Variants in PTPRB observed in about 807,000 individuals in gnomAD.
PTPRB encodes the protein receptor-type tyrosine-protein phosphatase beta.
Under a neutral mutation model 238.1 loss-of-function variants are expected in PTPRB, and 97 were observed. That is an observed-to-expected ratio of 0.41 (90% CI 0.35 to 0.48). The LOEUF (loss-of-function observed/expected upper bound fraction) is 0.48. Among genes scored for constraint, PTPRB ranks in the 20% least tolerant of loss-of-function variants. PTPRB has a pLI of 0.30. For missense variants in PTPRB, 2,292 were observed against 2,681.9 expected (o/e 0.85, Z 3.21); for synonymous variants, 970 against 995.4 (o/e 0.97, Z 0.48).
intron 16 of PTPRB, 46 bp downstream of exon 16, chr12:70,562,797 CG>C: frequency 6.3e-7 from 1 of 1,587,772 alleles, no homozygotes; most frequent in Non-Finnish European, 8.6e-7. Flanking sequence ...CAGTGAATAC[CG>C]GGACAATTCC....
rs1247062851 is a variant in PTPRB at position 70,541,127 on chromosome 12, G to A, written c.5495-170C>T. Reference sequence around the variant, plus strand: ...CCAAAGGCTCTGAGTATGCACCTAAGAAGATGATGAAAGGCTGGCTCCCAC... The same window carrying A: ...CCAAAGGCTCTGAGTATGCACCTAAAAAGATGATGAAAGGCTGGCTCCCAC... On this transcript the variant is annotated intron_variant, in intron 22 of 33. Coordinates refer to ENST00000334414, the MANE Select transcript of PTPRB (RefSeq NM_001109754.4). 6.7e-6 allele frequency: 4 copies of A among 594,176 alleles called. No homozygotes were observed. In the East Asian group the frequency reaches 1.2e-4, roughly 17 times the overall value. 36.8% of individuals were successfully genotyped at this position (594,176 alleles called of 1,614,324 possible).
intron 8 of PTPRB, among the ~76,000 whole-genome samples, chr12:70,587,692 C>G (rs1229353498): frequency 6.6e-6 from 1 of 152,098 alleles, no homozygotes; most frequent in East Asian, 1.9e-4. Flanking sequence ...GTGGGGGACA[C>G]TGATGTGTTC....
chr12:70,620,136 A>G (rs1884862797), intron 3 of PTPRB, among the ~76,000 whole-genome samples: 1 of 152,234 alleles, frequency 6.6e-6, no homozygotes, highest in Non-Finnish European at 1.5e-5. Flanking sequence ...AAACTGGAAC[A>G]TGACAGTTGG....
chr12:70,570,441 G>C (rs755776194), intron 13 of PTPRB, among the ~76,000 whole-genome samples: 6 of 152,002 alleles, frequency 3.9e-5, no homozygotes, highest in Admixed American at 2.6e-4. Flanking sequence ...ATACCTCCTG[G>C]GCTCAAGTGA....
At chr12:70,624,414 C>G (rs967510512) in intron 2 of PTPRB, among the ~76,000 whole-genome samples, 6 of 152,098 alleles carry the variant, frequency 3.9e-5, no homozygotes, top group Admixed American at 6.6e-5. Context: ...TCCTGTGCCG[C>G]TATTACTGCC....
At chr12:70,634,678 C>G (rs563149419) in intron 2 of PTPRB, among the ~76,000 whole-genome samples, 1 of 152,238 alleles carries the variant, frequency 6.6e-6, no homozygotes, top group African/African-American at 2.4e-5. Flanking sequence ...CATTTGGGAA[C>G]CTCTGGTATA....
Position 70,566,511 on chromosome 12 carries a change from G to T in PTPRB, c.3828C>A (p.Gly1276=). ...TTAGGATCTGTATCTTGTATTTCTT[G>T]CCTGGTGTTAGATCTTCAAATTTGT... is the stretch of plus-strand genomic sequence containing the variant. ...KQHKFEDLTP[G]KKYKIQILTV... is the part of the protein sequence containing the mutation. Residue 1276 remains glycine, a synonymous_variant, in exon 15 of 34, where the codon GGC becomes GGA. Coordinates refer to ENST00000334414, the MANE Select transcript of PTPRB (RefSeq NM_001109754.4). The T allele has an allele frequency of 6.2e-7, 1 of 1,614,008 alleles. No homozygotes were observed. Among genetic ancestry groups the T allele is most frequent in the Non-Finnish European group, 8.5e-7 (1 of 1,179,896 alleles).
intron 2 of PTPRB, among the ~76,000 whole-genome samples, chr12:70,625,389 G>A (rs1885126843): frequency 6.6e-6 from 1 of 152,094 alleles, no homozygotes; most frequent in Admixed American, 6.6e-5. Context: ...ATTATAACAA[G>A]TTTCTCAGGT....
chr12:70,584,556 C>T (rs148852802), intron 9 of PTPRB, among the ~76,000 whole-genome samples: 64 of 152,200 alleles, frequency 4.2e-4, no homozygotes, highest in Non-Finnish European at 6.5e-4. Flanking sequence ...GCTGACTCAG[C>T]GCAACAATAA....
At chr12:70,612,290 TA>T (rs1418124966) in intron 3 of PTPRB, among the ~76,000 whole-genome samples, 2 of 152,190 alleles carry the variant, frequency 1.3e-5, no homozygotes, top group Non-Finnish European at 2.9e-5. Context: ...TTTTTCCTTT[TA>T]AAAGTACAAA....
chr12:70,616,100 T>C (rs1226554154), intron 3 of PTPRB, among the ~76,000 whole-genome samples: 3 of 152,148 alleles, frequency 2.0e-5, no homozygotes, highest in African/African-American at 7.2e-5. Context: ...AATCTTCTTT[T>C]TAAATTTTTT....
At chr12:70,533,947 G>C (rs1045243127) in intron 31 of PTPRB, among the ~76,000 whole-genome samples, 2 of 152,206 alleles carry the variant, frequency 1.3e-5, no homozygotes, top group African/African-American at 4.8e-5. Context: ...TATCCAGTCT[G>C]TGGTATTTTG....
chr12:70,561,251 C>T (rs946274660), intron 16 of PTPRB, among the ~76,000 whole-genome samples: 10 of 152,090 alleles, frequency 6.6e-5, no homozygotes, highest in Admixed American at 1.3e-4. Context: ...AATGTATATA[C>T]GAGGTTCCAG....
intron 25 of PTPRB, 34 bp downstream of exon 25, chr12:70,539,793 G>C (rs770012879): frequency 2.5e-6 from 4 of 1,598,736 alleles, no homozygotes; most frequent in Non-Finnish European, 3.4e-6. Context: ...TTCAAAGGCA[G>C]ATAATATAGT....
chr12:70,617,589 G>T (rs890293732), intron 3 of PTPRB, among the ~76,000 whole-genome samples: 4 of 152,174 alleles, frequency 2.6e-5, no homozygotes, highest in African/African-American at 9.7e-5. Context: ...AACAGTAGTA[G>T]CAGCGGGGTG....
Position 70,520,651 on chromosome 12 carries a change from A to G in PTPRB, c.*838T>C, listed in dbSNP as rs1474585736. ...GTATGGGTGTGGATGTTCACACTCC[A>G]CACCATGAATGCAATGAAAGGATCT... On this transcript the variant is annotated 3_prime_UTR_variant, in exon 34 of 34. Coordinates refer to ENST00000334414, the MANE Select transcript of PTPRB (RefSeq NM_001109754.4). 6.4e-6 allele frequency: 1 copy of G among 155,798 alleles called. No individual in the cohort carries two copies. The highest frequency in any genetic ancestry group is 6.4e-5 in the Admixed American group (1 of 15,546). The allele number at this position is 155,798 out of a possible 1,614,324, so 9.7% of individuals were successfully genotyped here. A position where few individuals can be genotyped will look rare whatever the true frequency, so the allele number is the denominator to read the frequency against.
intron 31 of PTPRB, among the ~76,000 whole-genome samples, chr12:70,533,583 G>A (rs948490923): frequency 1.3e-5 from 2 of 152,194 alleles, no homozygotes; most frequent in African/African-American, 2.4e-5. Context: ...GCTACAGGTG[G>A]CAATTGCTGT....
In PTPRB at chr12:70,531,580, G is replaced by A. The variant is rs566329759; in HGVS notation, c.6504+455C>T. ...CTTTTGGACCTTCATTTTCTAGTCTGGAAGTAGAATATAATATGTCTCGCT... is the reference window on the plus strand; with the variant it reads ...CTTTTGGACCTTCATTTTCTAGTCTAGAAGTAGAATATAATATGTCTCGCT... On this transcript the variant is annotated intron_variant, in intron 32 of 33. Transcript: ENST00000334414. Among the ~76,000 whole-genome samples the A allele has an allele frequency of 9.9e-5, 15 of 152,168 alleles. No individual in the cohort carries two copies. The South Asian group carries it at 1.5e-3, about 15-fold the overall frequency.
At chr12:70,594,411 T>G in intron 6 of PTPRB, 56 bp downstream of exon 6, 1 of 1,592,794 alleles carries the variant, frequency 6.3e-7, no homozygotes. Flanking sequence ...ACTTGACTTA[T>G]TAAACATTCC....
Sources: allele counts gnomAD v4.1 joint callset (sites outside exome capture counted in the v4.1 genomes callset), GRCh38; gene constraint gnomAD v4.1.1; transcripts MANE v1.5; gene names NCBI Gene and HGNC (gene_info 2026-07-23, HGNC 2026-07-21).